OSBPL1A: variants seen among roughly 807,000 people sequenced by gnomAD.
The protein encoded by OSBPL1A is oxysterol binding protein like 1A.
Under a neutral mutation model 137.1 loss-of-function variants are expected in OSBPL1A, and 80 were observed. The ratio of observed to expected loss-of-function variants is 0.58; its 90% confidence interval spans 0.49 to 0.70. The LOEUF (loss-of-function observed/expected upper bound fraction) is 0.70, where lower values mean the gene tolerates loss of function less well. OSBPL1A is among the 30% of genes least tolerant of loss of function. The probability of loss-of-function intolerance (pLI) is 0.00; values close to 1 mark genes in which losing one functional copy is unlikely to be tolerated. For missense variants in OSBPL1A, 970 were observed against 1,129.4 expected (o/e 0.86, Z 2.02); for synonymous variants, 365 against 389.7 (o/e 0.94, Z 0.75).
rs972157905 is a variant in OSBPL1A, at chr18:24,305,471, A to C, written c.1093-1753T>G. On this transcript the variant is annotated intron_variant, in intron 13 of 27. Coordinates refer to ENST00000319481, the MANE Select transcript of OSBPL1A (RefSeq NM_080597.4). ...AACAACTTAGTGCTTTTTAACTGAT[A>C]CTAAAAGATACTAAAAAGAAGAGGT... Among the ~76,000 whole-genome samples, 3 of 152,242 alleles carry C rather than the reference A, an allele frequency of 2.0e-5. No individual in the cohort carries two copies. The East Asian group carries it at 5.8e-4, about 29-fold the overall frequency.
At chr18:24,255,062 C>G (rs1012430154) in intron 15 of OSBPL1A, among the ~76,000 whole-genome samples, 1 of 152,060 alleles carries the variant, frequency 6.6e-6, no homozygotes, top group African/African-American at 2.4e-5. Context: ...TTAGTGGCTA[C>G]TATGAGAAAC....
chr18:24,248,696 T>C (rs944660625), intron 15 of OSBPL1A, among the ~76,000 whole-genome samples: 1 of 152,160 alleles, frequency 6.6e-6, no homozygotes, highest in Non-Finnish European at 1.5e-5. Flanking sequence ...AGGGTAGAAT[T>C]TGGAGATAAC....
chr18:24,175,139 C>CATATATATATATATATATACATAT (rs1301852341), intron 21 of OSBPL1A, among the ~76,000 whole-genome samples: 1 of 119,876 alleles, frequency 8.3e-6, no homozygotes, highest in African/African-American at 4.3e-5. Flanking sequence ...TATATATACA[C>CATATATATATATATATATACATAT]ATATATATAT....
At chr18:24,332,868 A>G in intron 7 of OSBPL1A, 74 bp downstream of exon 7, 1 of 1,552,846 alleles carries the variant, frequency 6.4e-7, no homozygotes, top group Non-Finnish European at 8.8e-7. Context: ...ACTGAAACAA[A>G]ACAATTTTAT....
At chr18:24,195,391 G>C (rs1252196611) in intron 18 of OSBPL1A, among the ~76,000 whole-genome samples, 1 of 152,218 alleles carries the variant, frequency 6.6e-6, no homozygotes, top group Non-Finnish European at 1.5e-5. Context: ...TCAAGCCACA[G>C]AATGAAGTGT....
chr18:24,346,186 C>T (rs540770876), intron 4 of OSBPL1A, among the ~76,000 whole-genome samples: 7 of 152,282 alleles, frequency 4.6e-5, no homozygotes, highest in African/African-American at 1.7e-4. Context: ...CTCCACTTTC[C>T]GCTCAGCAGT....
At chr18:24,276,431 G>A (rs1357826895) in intron 15 of OSBPL1A, among the ~76,000 whole-genome samples, 3 of 152,066 alleles carry the variant, frequency 2.0e-5, no homozygotes, top group Non-Finnish European at 4.4e-5. Context: ...AACAGCATAA[G>A]CAGTTTTTTT....
At chr18:24,189,240 T>C (rs1484575722) in intron 18 of OSBPL1A, among the ~76,000 whole-genome samples, 1 of 152,162 alleles carries the variant, frequency 6.6e-6, no homozygotes, top group African/African-American at 2.4e-5. Flanking sequence ...AAGGCCAAGT[T>C]TGAGCTCATC....
In OSBPL1A at chr18:24,178,093, G is replaced by T; in HGVS notation, c.2013C>A (p.Gly671=). 1.2e-6 allele frequency: 2 copies of T among 1,613,516 alleles called. No individual in the cohort carries two copies. Among genetic ancestry groups the T allele is most frequent in the Non-Finnish European group, 1.7e-6 (2 of 1,179,774 alleles). ...EGLNNDFIFH[G]SIYPKLKFWG... ...AGAATTTCAGTTTGGGATAGATAGA[G>T]CCATGAAAGATGAAGTCATTGTTTA... Residue 671 remains glycine (G), a synonymous_variant, in exon 21 of 28, where the codon GGC becomes GGA. Transcript: ENST00000319481.
At chr18:24,345,909 T>C (rs1043122763) in intron 4 of OSBPL1A, among the ~76,000 whole-genome samples, 4 of 152,214 alleles carry the variant, frequency 2.6e-5, no homozygotes, top group African/African-American at 9.6e-5. Flanking sequence ...TTCATTGCTA[T>C]ACTCCCTGCC....
chr18:24,360,347 TC>T (rs1194186338), intron 4 of OSBPL1A, among the ~76,000 whole-genome samples: 1 of 152,202 alleles, frequency 6.6e-6, no homozygotes, highest in Admixed American at 6.5e-5. Flanking sequence ...CCTTTTCAAC[TC>T]AACATTCTAC....
chr18:24,200,015 T>C (rs1567940271), intron 17 of OSBPL1A, among the ~76,000 whole-genome samples: 1 of 152,304 alleles, frequency 6.6e-6, no homozygotes, highest in East Asian at 1.9e-4. Context: ...TTTTAAAAAA[T>C]CAAAACTAAT....
chr18:24,175,137 C>CGTAT (rs1199702207), intron 21 of OSBPL1A, among the ~76,000 whole-genome samples: 70 of 51,718 alleles, frequency 1.4e-3, no homozygotes, highest in African/African-American at 5.3e-3. Flanking sequence ...TATATATATA[C>CGTAT]ACATATATAT....
At chr18:24,185,651 G>A (rs552919183) in intron 18 of OSBPL1A, among the ~76,000 whole-genome samples, 1 of 152,282 alleles carries the variant, frequency 6.6e-6, no homozygotes, top group East Asian at 1.9e-4. Flanking sequence ...GGGCCGCCCT[G>A]GTGAGGGATG....
rs1199911545 is a variant in OSBPL1A, at chr18:24,191,784, A to AG, written c.1677+4340dup. 3.3e-5 allele frequency among the ~76,000 whole-genome samples: 5 copies of AG among 152,340 alleles called. No homozygotes were observed. The East Asian group carries it at 5.8e-4, about 18-fold the overall frequency. ...CTAATGGAAGAGAGATGATAGCTGAAGGTATGCACATGGCTTCTGGAACTC... is the reference window on the plus strand; with the variant it reads ...CTAATGGAAGAGAGATGATAGCTGAAGGGTATGCACATGGCTTCTGGAACTC... On this transcript the variant is annotated intron_variant, in intron 18 of 27. Coordinates refer to ENST00000319481, the MANE Select transcript of OSBPL1A (RefSeq NM_080597.4).
chr18:24,324,605 A>T lies in OSBPL1A; in HGVS notation c.626-5796T>A, dbSNP rs1484804718. 3.4e-3 allele frequency among the ~76,000 whole-genome samples: 52 copies of T among 15,298 alleles called. 11 individuals carry two copies. The highest frequency in any genetic ancestry group is 0.013 in the South Asian group (11 of 822). 10.0% of individuals were successfully genotyped at this position (15,298 alleles called of 152,430 possible). On this transcript the variant is annotated intron_variant, in intron 7 of 27. Coordinates refer to ENST00000319481, the MANE Select transcript of OSBPL1A (RefSeq NM_080597.4). ...CAATAAAAACATGAATATGAATATA[A>T]AAAAAAAAAAAAAAAAAAAAAAAAA...
In OSBPL1A at chr18:24,303,720, T is replaced by C. The variant is rs773131964; in HGVS notation, c.1093-2A>G. 57 of 1,611,110 alleles carry C rather than the reference T, an allele frequency of 3.5e-5. No individual in the cohort carries two copies. In the South Asian group the frequency reaches 3.6e-4, roughly 10 times the overall value. ...TCGCTGTTGGCATGACTGTGCTTTC[T>C]GCAAAAAAAGAAAAGACAAAATTAA... On this transcript the variant is annotated splice_acceptor_variant, in intron 13 of 27. Transcript: ENST00000319481. LOFTEE classifies it high-confidence loss of function.
chr18:24,208,717 G>T (rs2087444495), intron 17 of OSBPL1A, among the ~76,000 whole-genome samples: 1 of 152,120 alleles, frequency 6.6e-6, no homozygotes, highest in Admixed American at 6.5e-5. Context: ...AGCACACATT[G>T]CTGAGATCAA....
At chr18:24,261,032 T>C (rs749712879) in intron 15 of OSBPL1A, among the ~76,000 whole-genome samples, 4 of 152,180 alleles carry the variant, frequency 2.6e-5, no homozygotes, top group African/African-American at 9.7e-5. Context: ...ATGGATAAAC[T>C]GTGGTACAGC....
Sources: allele counts gnomAD v4.1 joint callset (sites outside exome capture counted in the v4.1 genomes callset), GRCh38; gene constraint gnomAD v4.1.1; transcripts MANE v1.5; gene names NCBI Gene and HGNC (gene_info 2026-07-23, HGNC 2026-07-21).